The following XKR6 variants were observed in gnomAD, a reference collection of about 807,000 sequenced individuals.
The protein encoded by XKR6 is XK-related protein 6.
A neutral mutation model predicts 56.7 loss-of-function variants in XKR6; 22 were observed. That is an observed-to-expected ratio of 0.39 (90% CI 0.28 to 0.55). The LOEUF (loss-of-function observed/expected upper bound fraction) is 0.55. XKR6 is among the 20% of genes least tolerant of loss of function. The pLI, the probability that XKR6 is intolerant of heterozygous loss-of-function variation, is 0.66. For missense variants in XKR6, 852 were observed against 889.0 expected, an observed-to-expected ratio of 0.96 and a Z score of 0.53; for synonymous variants, 524 against 387.8, an observed-to-expected ratio of 1.35 and a Z score of -4.13.
Position 11,200,446 on chromosome 8 carries a change from G to A in XKR6, c.764+130C>T. On this transcript the variant is annotated intron_variant, in intron 1 of 2. Coordinates refer to ENST00000416569, the MANE Select transcript of XKR6 (RefSeq NM_173683.4). This position sits in a 1 kb window ranked among gnomAD's most constrained non-coding sequence, Gnocchi z 6.4. Reference sequence around the variant, plus strand: ...CGCCGGTCTTTTGGAGACGCCAGGGGCGGCGCGCGGCCGGTCCCTCCTTCG... The same window carrying A: ...CGCCGGTCTTTTGGAGACGCCAGGGACGGCGCGCGGCCGGTCCCTCCTTCG... 1 of 1,202,424 alleles carries A rather than the reference G, an allele frequency of 8.3e-7. No homozygotes were observed. Among genetic ancestry groups the A allele is most frequent in the South Asian group, 2.3e-5 (1 of 42,972 alleles). The allele number at this position is 1,202,424 out of a possible 1,614,324, so 74.5% of individuals were successfully genotyped here. A position where few individuals can be genotyped will look rare whatever the true frequency, so the allele number is the denominator to read the frequency against.
rs552281437 is a variant in XKR6 at position 10,930,679 on chromosome 8, T to C, written c.765-5849A>G. Among the ~76,000 whole-genome samples the C allele has an allele frequency of 3.9e-5, 6 of 152,370 alleles. No homozygotes were observed. The East Asian group carries it at 1.2e-3, about 29-fold the overall frequency. ...CAATCAATGTAATCTATGACATTAA[T>C]AACCACACATCATAACAATTGATAC... On this transcript the variant is annotated intron_variant, in intron 1 of 2. Transcript: ENST00000416569.
intron 1 of XKR6, among the ~76,000 whole-genome samples, chr8:10,948,669 G>C (rs1456246396): frequency 2.0e-5 from 3 of 152,112 alleles, no homozygotes; most frequent in African/African-American, 7.2e-5. Context: ...GACCCGGTCT[G>C]TCCTCTCCTA....
intron 1 of XKR6, among the ~76,000 whole-genome samples, chr8:11,192,105 G>T (rs1461659623): frequency 6.6e-6 from 1 of 152,022 alleles, no homozygotes; most frequent in Non-Finnish European, 1.5e-5. Flanking sequence ...ACTGATTGAG[G>T]CCAAGAGTTC....
chr8:11,136,368 G>A (rs1800394473), intron 1 of XKR6, among the ~76,000 whole-genome samples: 1 of 152,200 alleles, frequency 6.6e-6, no homozygotes, highest in African/African-American at 2.4e-5. Context: ...GCTGGGTGTG[G>A]TGGCGGGTGC....
chr8:11,005,892 A>G (rs548656940), intron 1 of XKR6, among the ~76,000 whole-genome samples: 2 of 125,312 alleles, frequency 1.6e-5, no homozygotes, highest in East Asian at 4.5e-4. Context: ...TGCCCAGGCT[A>G]GAGCATAGTG....
At chr8:11,003,892 C>G (rs1027442336) in intron 1 of XKR6, among the ~76,000 whole-genome samples, 3 of 152,310 alleles carry the variant, frequency 2.0e-5, no homozygotes, top group Admixed American at 6.5e-5. Context: ...GGTGAACCGT[C>G]CAGAGGGCTT....
intron 1 of XKR6, among the ~76,000 whole-genome samples, chr8:11,036,041 T>G (rs543474963): frequency 6.8e-6 from 1 of 147,686 alleles, no homozygotes; most frequent in Admixed American, 7.1e-5. Flanking sequence ...CCTCCTGGGC[T>G]CAAGCAATCC....
At chr8:11,135,156 AGTAGCTGGGACTACAGGC>A (rs1800322819) in intron 1 of XKR6, among the ~76,000 whole-genome samples, 2 of 151,644 alleles carry the variant, frequency 1.3e-5, no homozygotes, top group Admixed American at 1.3e-4. Context: ...CAGCCTCCCG[AGTAGCTGGGACTACAGGC>A]GCCCACCAAC....
chr8:11,117,153 T>A (rs528828741), intron 1 of XKR6, among the ~76,000 whole-genome samples: 4 of 152,248 alleles, frequency 2.6e-5, no homozygotes, highest in African/African-American at 7.2e-5. Context: ...CATGAAAAAC[T>A]GTTTCCTTAG....
chr8:11,139,727 C>G (rs1454832732), intron 1 of XKR6, among the ~76,000 whole-genome samples: 1 of 152,150 alleles, frequency 6.6e-6, no homozygotes, highest in Non-Finnish European at 1.5e-5. Context: ...AAAGCCACAG[C>G]CGAAGGGGCT....
chr8:11,177,464 C>T (rs924542646), intron 1 of XKR6, among the ~76,000 whole-genome samples: 2 of 152,168 alleles, frequency 1.3e-5, no homozygotes, highest in African/African-American at 4.8e-5. Flanking sequence ...AATTCTCCCT[C>T]CCAAAAAGAT....
rs770637809 is a variant in XKR6 at position 10,898,046 on chromosome 8, T to G, written c.1832A>C (p.Asn611Thr). Residue 611 changes from asparagine (N) to threonine (T), a missense_variant, in exon 3 of 3, where the codon AAC becomes ACC. Transcript: ENST00000416569. The surrounding 1 kb of genome is among the most constrained non-coding windows in gnomAD (Gnocchi z 6.6). ...GGTGGGGGTGACATATTGTAGAATGTTAATAGTCCTTCTCAGCCTCCTGTC... is the reference window on the plus strand; with the variant it reads ...GGTGGGGGTGACATATTGTAGAATGGTAATAGTCCTTCTCAGCCTCCTGTC... ...FVDRRLRRTINILQYVTPTAV... is the reference protein window; with the variant it reads ...FVDRRLRRTITILQYVTPTAV... 5.6e-6 allele frequency: 9 copies of G among 1,614,052 alleles called. No homozygotes were observed. In the South Asian group the frequency reaches 9.9e-5, roughly 18 times the overall value.
chr8:11,124,105 CTTA>C (rs1563154523), intron 1 of XKR6: 3 of 426,410 alleles, frequency 7.0e-6, no homozygotes, highest in South Asian at 4.9e-5. Context: ...TATATTTTTA[CTTA>C]TTTACTTTAT....
chr8:11,057,470 C>T (rs1225820065), intron 1 of XKR6, among the ~76,000 whole-genome samples: 1 of 152,176 alleles, frequency 6.6e-6, no homozygotes, highest in Non-Finnish European at 1.5e-5. Context: ...TCCAGTAGTC[C>T]CAGTGTTCTG....
At chr8:11,143,073 A>G (rs985250978) in intron 1 of XKR6, among the ~76,000 whole-genome samples, 2 of 152,234 alleles carry the variant, frequency 1.3e-5, no homozygotes, top group African/African-American at 4.8e-5. Context: ...CTTCTTATAC[A>G]ATTATTCCAG....
intron 1 of XKR6, among the ~76,000 whole-genome samples, chr8:11,016,761 C>T (rs1370920318): frequency 6.6e-6 from 1 of 152,204 alleles, no homozygotes; most frequent in African/African-American, 2.4e-5. Context: ...CTCCTTGCCC[C>T]GCTCTGAGCC....
chr8:11,075,120 A>G (rs1363028401), intron 1 of XKR6, among the ~76,000 whole-genome samples: 1 of 152,140 alleles, frequency 6.6e-6, no homozygotes, highest in Admixed American at 6.5e-5. Flanking sequence ...AGAGGCTCCC[A>G]TAAGGAGCCC....
intron 1 of XKR6, among the ~76,000 whole-genome samples, chr8:11,059,539 C>A (rs953744887): frequency 6.6e-6 from 1 of 151,998 alleles, no homozygotes; most frequent in Non-Finnish European, 1.5e-5. Flanking sequence ...TGTTTACAAC[C>A]CGGCCCGGCG....
intron 1 of XKR6, among the ~76,000 whole-genome samples, chr8:11,161,985 G>A (rs897420710): frequency 1.3e-5 from 2 of 152,184 alleles, no homozygotes; most frequent in Non-Finnish European, 2.9e-5. Flanking sequence ...CCCACCAGAG[G>A]ACCTTTTCTC....
Sources: gnomAD v4.1 joint callset for allele counts (sites outside exome capture counted in the v4.1 genomes callset) on GRCh38, gnomAD v4.1.1 for gene constraint, Gnocchi (gnomAD v3.1) non-coding constraint, MANE v1.5 for transcripts, NCBI Gene and HGNC (gene_info 2026-07-23, HGNC 2026-07-21) for gene names.